Variants in SLC24A2 observed in about 807,000 individuals in gnomAD.
SLC24A2 encodes the protein solute carrier family 24 member 2, also known as sodium/potassium/calcium exchanger 2.
SLC24A2 carries 36 observed loss-of-function variants against 62.0 expected under a neutral mutation model. The ratio of observed to expected loss-of-function variants is 0.58; its 90% CI spans 0.44 to 0.77. The LOEUF (loss-of-function observed/expected upper bound fraction) is 0.77. Among genes scored for constraint, SLC24A2 ranks in the 30% least tolerant of loss-of-function variants. The pLI is 0.00. For missense variants in SLC24A2, 846 were observed against 817.9 expected (o/e 1.03, Z -0.42); for synonymous variants, 358 against 294.0 (o/e 1.22, Z -2.23).
intron 2 of SLC24A2, among the ~76,000 whole-genome samples, chr9:19,744,055 C>T (rs1234924927): frequency 6.6e-6 from 1 of 152,112 alleles, no homozygotes; most frequent in Non-Finnish European, 1.5e-5. Flanking sequence ...GGGGACCCCC[C>T]ACAGTATACC....
chr9:19,650,338 A>G (rs1818762042), intron 2 of SLC24A2, among the ~76,000 whole-genome samples: 1 of 152,322 alleles, frequency 6.6e-6, no homozygotes, highest in South Asian at 2.1e-4. Context: ...ACTGGGTAAG[A>G]GAAACAGAGC....
intron 2 of SLC24A2, among the ~76,000 whole-genome samples, chr9:19,757,484 G>C (rs1822178589): frequency 6.6e-6 from 1 of 152,002 alleles, no homozygotes; most frequent in African/African-American, 2.4e-5. Flanking sequence ...TAAAATTCTA[G>C]AAGGCTATTT....
the SLC24A2 span, among the ~76,000 whole-genome samples, chr9:19,934,892 T>C: frequency 6.6e-6 from 1 of 151,894 alleles, no homozygotes; most frequent in East Asian, 1.9e-4. The surrounding 1 kb of genome is among the most constrained non-coding windows in gnomAD (Gnocchi z 4.1). Flanking sequence ...GATTTTAAAT[T>C]GGAGTTTTGG....
the SLC24A2 span, among the ~76,000 whole-genome samples, chr9:19,943,517 A>G: frequency 6.6e-6 from 1 of 152,162 alleles, no homozygotes; most frequent in Non-Finnish European, 1.5e-5. Context: ...TTTACAGTAT[A>G]TATACTGCTT....
chr9:20,260,459 C>T, the SLC24A2 span, among the ~76,000 whole-genome samples: 1 of 152,102 alleles, frequency 6.6e-6, no homozygotes. Flanking sequence ...TGTAGAGAAC[C>T]TTTTGTAACA....
the SLC24A2 span, among the ~76,000 whole-genome samples, chr9:19,828,482 A>T: frequency 2.0e-5 from 3 of 152,210 alleles, no homozygotes; most frequent in Non-Finnish European, 4.4e-5. Context: ...AATAAAACAA[A>T]CCAAAAGAAC....
At chr9:19,833,444 C>G in the SLC24A2 span, among the ~76,000 whole-genome samples, 1 of 152,200 alleles carries the variant, frequency 6.6e-6, no homozygotes, top group Non-Finnish European at 1.5e-5. Flanking sequence ...GCACCTGGCT[C>G]GGAGGGTCCT....
chr9:19,694,027 G>A (rs958015526), intron 2 of SLC24A2, among the ~76,000 whole-genome samples: 5 of 151,652 alleles, frequency 3.3e-5, no homozygotes. Context: ...AATTCTCACT[G>A]CTAAGACAAA....
the SLC24A2 span, among the ~76,000 whole-genome samples, chr9:20,278,341 T>C: frequency 6.6e-6 from 1 of 152,166 alleles, no homozygotes; most frequent in Admixed American, 6.5e-5. Context: ...TAAATATAAG[T>C]TCCAACTCCA....
the SLC24A2 span, among the ~76,000 whole-genome samples, chr9:20,235,663 G>A: frequency 6.6e-6 from 1 of 152,174 alleles, no homozygotes; most frequent in African/African-American, 2.4e-5. Flanking sequence ...GGAATTCCCT[G>A]ACCCCTTGTG....
intron 8 of SLC24A2, among the ~76,000 whole-genome samples, chr9:19,549,854 A>G (rs1273468321): frequency 6.6e-6 from 1 of 152,210 alleles, no homozygotes; most frequent in Non-Finnish European, 1.5e-5. Flanking sequence ...CACACCACTA[A>G]GTTTTGGGGT....
the SLC24A2 span, among the ~76,000 whole-genome samples, chr9:20,280,950 C>G: frequency 1.3e-5 from 2 of 152,270 alleles, no homozygotes; most frequent in East Asian, 3.9e-4. Context: ...TCTGGAGGAA[C>G]AAATGGTCTC....
At chr9:19,621,214 A>G (rs1183320358) in intron 3 of SLC24A2, among the ~76,000 whole-genome samples, 1 of 152,238 alleles carries the variant, frequency 6.6e-6, no homozygotes, top group Non-Finnish European at 1.5e-5. Context: ...AAATATCACT[A>G]TGAGATACCA....
At chr9:20,112,240 C>T in the SLC24A2 span, among the ~76,000 whole-genome samples, 1 of 152,132 alleles carries the variant, frequency 6.6e-6, no homozygotes, top group African/African-American at 2.4e-5. Context: ...AAGAACATTT[C>T]GTCAAAGTAA....
the SLC24A2 span, among the ~76,000 whole-genome samples, chr9:19,990,410 G>C: frequency 1.3e-5 from 2 of 151,916 alleles, no homozygotes; most frequent in Non-Finnish European, 2.9e-5. Context: ...AAGAGTTCGA[G>C]ACCATCCTGG....
intron 2 of SLC24A2, among the ~76,000 whole-genome samples, chr9:19,656,240 G>C (rs561476982): frequency 6.6e-6 from 1 of 152,262 alleles, no homozygotes; most frequent in South Asian, 2.1e-4. Flanking sequence ...GGTTGTCAAG[G>C]CTACAACCAA....
the SLC24A2 span, among the ~76,000 whole-genome samples, chr9:20,062,116 C>G: frequency 6.6e-6 from 1 of 152,102 alleles, no homozygotes; most frequent in South Asian, 2.1e-4. Flanking sequence ...GTAGTCTTAG[C>G]TAATATGGGA....
intron 2 of SLC24A2, among the ~76,000 whole-genome samples, chr9:19,696,326 G>A (rs148776398): frequency 3.3e-5 from 5 of 152,248 alleles, no homozygotes; most frequent in Admixed American, 2.0e-4. Flanking sequence ...ATTCATACTC[G>A]TCTACCAAAT....
chr9:19,737,904 G>T (rs1298843577), intron 2 of SLC24A2, among the ~76,000 whole-genome samples: 1 of 152,074 alleles, frequency 6.6e-6, no homozygotes, highest in African/African-American at 2.4e-5. Flanking sequence ...TCACCATGAA[G>T]CTTCACAAAT....
Sources: allele counts gnomAD v4.1 joint callset (sites outside exome capture counted in the v4.1 genomes callset), GRCh38; gene constraint gnomAD v4.1.1; non-coding constraint Gnocchi (gnomAD v3.1); transcripts MANE v1.5; gene names NCBI Gene and HGNC (gene_info 2026-07-23, HGNC 2026-07-21).